ITGA9: variants seen among roughly 807,000 people sequenced by gnomAD.
ITGA9 encodes the protein integrin alpha-9.
Under a neutral mutation model 127.8 loss-of-function variants are expected in ITGA9, and 56 were observed. The ratio of observed to expected loss-of-function variants is 0.44; its 90% CI spans 0.35 to 0.55. The LOEUF is 0.55. Among genes scored for constraint, ITGA9 ranks in the 20% least tolerant of loss-of-function variants. The pLI, the probability that ITGA9 is intolerant of heterozygous loss-of-function variation, is 0.00. For synonymous variants in ITGA9, 508 were observed against 514.5 expected, an observed-to-expected ratio of 0.99 and a Z score of 0.17; for missense variants, 1,196 against 1,347.1, an observed-to-expected ratio of 0.89 and a Z score of 1.76.
intron 18 of ITGA9, among the ~76,000 whole-genome samples, chr3:37,703,658 A>C (rs950916628): frequency 5.9e-5 from 9 of 152,244 alleles, no homozygotes; most frequent in Non-Finnish European, 1.3e-4. Flanking sequence ...GTTTGCAAAA[A>C]TAAGCAGAAA....
chr3:37,621,251 A>G (rs1204668720), intron 15 of ITGA9, among the ~76,000 whole-genome samples: 1 of 152,214 alleles, frequency 6.6e-6, no homozygotes, highest in Non-Finnish European at 1.5e-5. Flanking sequence ...GCCATATGGA[A>G]CTGTGAGTCC....
At chr3:37,715,467 G>A (rs1478860819) in intron 18 of ITGA9, among the ~76,000 whole-genome samples, 1 of 152,212 alleles carries the variant, frequency 6.6e-6, no homozygotes, top group Non-Finnish European at 1.5e-5. Flanking sequence ...AAAGAGGAGA[G>A]TGGCTTCAAC....
intron 15 of ITGA9, among the ~76,000 whole-genome samples, chr3:37,567,140 A>G (rs1364860423): frequency 2.0e-5 from 3 of 152,250 alleles, no homozygotes; most frequent in Non-Finnish European, 4.4e-5. Context: ...TAATGAACGC[A>G]CAGTTCCACA....
intron 14 of ITGA9, among the ~76,000 whole-genome samples, chr3:37,539,554 T>C (rs772059498): frequency 6.6e-6 from 1 of 152,222 alleles, no homozygotes; most frequent in Non-Finnish European, 1.5e-5. Flanking sequence ...AAGCAGTTTA[T>C]TTTTTTGGGA....
chr3:37,516,470 A>G (rs954494139), intron 9 of ITGA9, among the ~76,000 whole-genome samples: 1 of 151,386 alleles, frequency 6.6e-6, no homozygotes, highest in Middle Eastern at 3.2e-3. Context: ...TCATTGTGTG[A>G]TTTGAATGAG....
In ITGA9 at chr3:37,629,420, T is replaced by C. The variant is rs1202738858; in HGVS notation, c.1839+84T>C. 6 of 1,500,768 alleles carry C rather than the reference T, an allele frequency of 4.0e-6. No homozygotes were observed. The Admixed American group carries it at 1.1e-4, about 28-fold the overall frequency. The allele number at this position is 1,500,768 out of a possible 1,614,324, so 93.0% of individuals were successfully genotyped here. On this transcript the variant is annotated intron_variant, in intron 16 of 27. Coordinates refer to ENST00000264741, the MANE Select transcript of ITGA9 (RefSeq NM_002207.3). The surrounding 1 kb of genome is among the most constrained non-coding windows in gnomAD (Gnocchi z 4.5). ...AATGGCCCAAAAGTTGAGAGAGCCG[T>C]GGGCCTGGCTGCTCAGGAGACCGCA...
intron 16 of ITGA9, among the ~76,000 whole-genome samples, chr3:37,630,973 C>G (rs1314357533): frequency 1.3e-5 from 2 of 152,166 alleles, no homozygotes; most frequent in Non-Finnish European, 2.9e-5. Flanking sequence ...TCTGCCTTGA[C>G]TGGGAAGTAC....
chr3:37,513,977 C>T lies in ITGA9; in HGVS notation c.1035+77C>T, dbSNP rs147326348. On this transcript the variant is annotated intron_variant, in intron 9 of 27. Transcript: ENST00000264741. ...TCCAGCCAGCAGTGGCCGAGCACCC[C>T]TCTGGGCCGGCACTGGGGGCAATGT... is the stretch of plus-strand genomic sequence containing the variant. The T allele has an allele frequency of 7.2e-4, 1,137 of 1,571,776 alleles. 7 individuals carry two copies. The African/African-American group carries it at 0.013, about 18-fold the overall frequency.
chr3:37,631,875 G>GCAT (rs1186418312), intron 16 of ITGA9, among the ~76,000 whole-genome samples: 1 of 152,214 alleles, frequency 6.6e-6, no homozygotes, highest in Non-Finnish European at 1.5e-5. Flanking sequence ...AAGCAGCCAG[G>GCAT]CATCGCCTTC....
intron 16 of ITGA9, among the ~76,000 whole-genome samples, chr3:37,652,914 A>G (rs17036758): frequency 0.013 from 1,997 of 152,294 alleles, 40 homozygotes; most frequent in African/African-American, 0.044. Flanking sequence ...CAAGCCCTCC[A>G]TGGACCGTAG....
chr3:37,621,684 G>A (rs989385036), intron 15 of ITGA9, among the ~76,000 whole-genome samples: 2 of 152,194 alleles, frequency 1.3e-5, no homozygotes, highest in African/African-American at 2.4e-5. Context: ...TTTCATAGAT[G>A]AACAATTTTT....
At position 37,452,588 on chromosome 3, in the gene ITGA9, G is replaced by A. The variant is rs780196593; in HGVS notation, c.185+29G>A. 1.5e-5 allele frequency: 23 copies of A among 1,484,920 alleles called. No individual in the cohort carries two copies. Among genetic ancestry groups the A allele is most frequent in the Non-Finnish European group, 9.0e-6 (10 of 1,115,080 alleles). The allele number at this position is 1,484,920 out of a possible 1,614,324, so 92.0% of individuals were successfully genotyped here. On this transcript the variant is annotated intron_variant, in intron 1 of 27. Coordinates refer to ENST00000264741, the MANE Select transcript of ITGA9 (RefSeq NM_002207.3). The surrounding 1 kb of genome is among the most constrained non-coding windows in gnomAD (Gnocchi z 7.3). ...AGTGCCCGCCCGACTCCGCGACCCT[G>A]GCCCGCGCGGCCACCGCCCCGGCCC...
At chr3:37,643,511 A>G (rs550496448) in intron 16 of ITGA9, among the ~76,000 whole-genome samples, 45 of 124,596 alleles carry the variant, frequency 3.6e-4, no homozygotes, top group Middle Eastern at 8.0e-3. Flanking sequence ...TTATTTTTGC[A>G]ATTTGTGGGG....
At chr3:37,519,812 C>G (rs574903959) in intron 11 of ITGA9, among the ~76,000 whole-genome samples, 1 of 152,244 alleles carries the variant, frequency 6.6e-6, no homozygotes, top group Non-Finnish European at 1.5e-5. Context: ...TCTGCGCTTG[C>G]GCCCTATACT....
chr3:37,753,515 G>A (rs1233575045), intron 23 of ITGA9, among the ~76,000 whole-genome samples: 1 of 152,178 alleles, frequency 6.6e-6, no homozygotes, highest in Non-Finnish European at 1.5e-5. Context: ...GTCACCACTT[G>A]TGAGTGTATG....
chr3:37,590,632 A>G (rs1699806404), intron 15 of ITGA9, among the ~76,000 whole-genome samples: 1 of 151,432 alleles, frequency 6.6e-6, no homozygotes, highest in Non-Finnish European at 1.5e-5. Context: ...GCCCCTTGGC[A>G]CTGGCTTGGG....
At chr3:37,752,222 A>G (rs954612129) in intron 23 of ITGA9, among the ~76,000 whole-genome samples, 1 of 152,220 alleles carries the variant, frequency 6.6e-6, no homozygotes, top group Non-Finnish European at 1.5e-5. Context: ...TTCAGAGCTC[A>G]TGACGGTTTC....
chr3:37,733,584 T>C (rs1395128770), intron 19 of ITGA9, among the ~76,000 whole-genome samples: 1 of 137,362 alleles, frequency 7.3e-6, no homozygotes, highest in Admixed American at 7.7e-5. Context: ...GGTCATACAC[T>C]CAGATCATTT....
At chr3:37,675,743 C>CTTTTTTT (rs5848124) in intron 17 of ITGA9, among the ~76,000 whole-genome samples, 3 of 124,548 alleles carry the variant, frequency 2.4e-5, no homozygotes, top group African/African-American at 9.4e-5. Flanking sequence ...TTAAAAACTA[C>CTTTTTTT]TTTTTTTTTT....
Sources: gnomAD v4.1 joint callset for allele counts (sites outside exome capture counted in the v4.1 genomes callset) on GRCh38, gnomAD v4.1.1 for gene constraint, Gnocchi (gnomAD v3.1) non-coding constraint, MANE v1.5 for transcripts, NCBI Gene and HGNC (gene_info 2026-07-23, HGNC 2026-07-21) for gene names.